Variants in RPS6KC1 observed in about 807,000 individuals in gnomAD.
RPS6KC1 encodes ribosomal protein S6 kinase C1.
Under a neutral mutation model 103.8 loss-of-function variants are expected in RPS6KC1, and 54 were observed. That is an observed-to-expected ratio of 0.52 (90% confidence interval 0.42 to 0.65). The LOEUF (loss-of-function observed/expected upper bound fraction) is 0.65, where lower values mean the gene tolerates loss of function less well. Among genes scored for constraint, RPS6KC1 ranks in the 30% least tolerant of loss-of-function variants. RPS6KC1 has a pLI of 0.00. For missense variants in RPS6KC1, 1,151 were observed against 1,253.8 expected, an observed-to-expected ratio of 0.92 and a Z score of 1.24; for synonymous variants, 439 against 438.7, an observed-to-expected ratio of 1.00 and a Z score of -0.01.
chr1:213,781,850 C>T, the RPS6KC1 span, among the ~76,000 whole-genome samples: 6 of 152,064 alleles, frequency 3.9e-5, no homozygotes, highest in East Asian at 3.9e-4. Context: ...AGGGGTGGTT[C>T]GTTGTGGCTC....
chr1:213,462,540 G>T, the RPS6KC1 span, among the ~76,000 whole-genome samples: 1 of 152,172 alleles, frequency 6.6e-6, no homozygotes, highest in Non-Finnish European at 1.5e-5. Context: ...TAAAGAAAAT[G>T]TGGCACATAT....
chr1:213,683,048 A>C, the RPS6KC1 span, among the ~76,000 whole-genome samples: 1 of 152,240 alleles, frequency 6.6e-6, no homozygotes, highest in African/African-American at 2.4e-5. Context: ...CCATTATTGA[A>C]CAATTAGATC....
the RPS6KC1 span, among the ~76,000 whole-genome samples, chr1:213,637,880 G>C: frequency 3.3e-5 from 5 of 152,002 alleles, no homozygotes; most frequent in Non-Finnish European, 7.4e-5. Context: ...GGAGTGCAGT[G>C]TCATTGGCTC....
the RPS6KC1 span, among the ~76,000 whole-genome samples, chr1:213,636,570 AG>A: frequency 6.6e-6 from 1 of 152,208 alleles, no homozygotes; most frequent in African/African-American, 2.4e-5. Context: ...ATATGTAGAA[AG>A]CTGAAACTGG....
intron 9 of RPS6KC1, among the ~76,000 whole-genome samples, chr1:213,231,649 A>G (rs1037498849): frequency 2.0e-5 from 3 of 152,196 alleles, no homozygotes; most frequent in Non-Finnish European, 2.9e-5. Context: ...AAAATAGACA[A>G]ACCTTATTCC....
the RPS6KC1 span, among the ~76,000 whole-genome samples, chr1:213,641,100 A>AT: frequency 6.6e-6 from 1 of 151,008 alleles, no homozygotes; most frequent in African/African-American, 2.4e-5. Flanking sequence ...TACTTTTCAG[A>AT]TTTTTTTTTA....
chr1:213,739,450 C>T, the RPS6KC1 span, among the ~76,000 whole-genome samples: 8 of 152,008 alleles, frequency 5.3e-5, no homozygotes, highest in East Asian at 1.9e-4. Context: ...CTAACCCCTA[C>T]GTTGTTCAAG....
At chr1:213,140,008 C>T (rs1378163096) in intron 6 of RPS6KC1, among the ~76,000 whole-genome samples, 1 of 151,960 alleles carries the variant, frequency 6.6e-6, no homozygotes. Context: ...TGTGTCATAT[C>T]TGATTCCTTT....
the RPS6KC1 span, among the ~76,000 whole-genome samples, chr1:213,757,428 A>G: frequency 6.6e-6 from 1 of 152,256 alleles, no homozygotes; most frequent in Non-Finnish European, 1.5e-5. Flanking sequence ...CAGACAAGCC[A>G]CAACATTCCC....
Position 213,051,335 on chromosome 1 carries a change from G to C in RPS6KC1, c.-70G>C. The C allele has an allele frequency of 2.4e-6, 3 of 1,250,010 alleles. No individual in the cohort carries two copies. Among genetic ancestry groups the C allele is most frequent in the Non-Finnish European group, 3.5e-6 (3 of 861,926 alleles). 77.4% of individuals were successfully genotyped at this position (1,250,010 alleles called of 1,614,324 possible). A position where few individuals can be genotyped will look rare whatever the true frequency, so the allele number is the denominator to read the frequency against. ...GCTTCGCCGCTGCGTTGGGGAACCT[G>C]GACCGCGGCGGCGCCGGGTTTCCCT... On this transcript the variant is annotated 5_prime_UTR_variant, in exon 1 of 15. Coordinates refer to ENST00000366960, the MANE Select transcript of RPS6KC1 (RefSeq NM_012424.6).
chr1:213,509,091 A>C, the RPS6KC1 span, among the ~76,000 whole-genome samples: 10 of 152,214 alleles, frequency 6.6e-5, no homozygotes, highest in Non-Finnish European at 1.3e-4. Context: ...GTGACCATGT[A>C]ATTTATCACA....
chr1:213,092,941 TAAA>T (rs201799871), intron 3 of RPS6KC1, among the ~76,000 whole-genome samples: 1 of 152,150 alleles, frequency 6.6e-6, no homozygotes, highest in African/African-American at 2.4e-5. Context: ...GCTGGCTTCT[TAAA>T]AAAGAAACTT....
intron 6 of RPS6KC1, 53 bp from the exon 7 acceptor site, chr1:213,167,805 C>G (rs2091121852): frequency 9.1e-7 from 1 of 1,098,324 alleles, no homozygotes; most frequent in Non-Finnish European, 1.3e-6. Context: ...AGTTAATTTT[C>G]AGGTTGAACT....
chr1:213,187,364 C>T (rs2092576350), intron 8 of RPS6KC1, among the ~76,000 whole-genome samples: 1 of 151,124 alleles, frequency 6.6e-6, no homozygotes. Context: ...CGTGCCTCAG[C>T]CTCCCAAGTA....
chr1:213,074,464 T>C (rs142476426), intron 2 of RPS6KC1, among the ~76,000 whole-genome samples: 431 of 152,332 alleles, frequency 2.8e-3, no homozygotes, highest in Non-Finnish European at 4.4e-3. Flanking sequence ...GAGGACTTTG[T>C]GTAGTCCAGA....
the RPS6KC1 span, among the ~76,000 whole-genome samples, chr1:213,289,287 A>G: frequency 6.7e-6 from 1 of 149,938 alleles, no homozygotes; most frequent in Admixed American, 6.6e-5. Context: ...AGACTTAAAG[A>G]TCCCATCCCT....
At chr1:213,635,681 T>G in the RPS6KC1 span, among the ~76,000 whole-genome samples, 2 of 152,252 alleles carry the variant, frequency 1.3e-5, no homozygotes, top group South Asian at 4.1e-4. Context: ...GGGCAAAAAC[T>G]GGAAGCATTC....
chr1:213,695,641 G>A, the RPS6KC1 span, among the ~76,000 whole-genome samples: 2 of 152,208 alleles, frequency 1.3e-5, no homozygotes, highest in South Asian at 2.1e-4. Flanking sequence ...TCTATTCCAG[G>A]ACTTATAGGA....
At chr1:213,147,488 C>T (rs754269776) in intron 6 of RPS6KC1, among the ~76,000 whole-genome samples, 5 of 152,190 alleles carry the variant, frequency 3.3e-5, no homozygotes, top group Middle Eastern at 3.4e-3. Flanking sequence ...GCACCTTTGT[C>T]GAAAATGAGT....
Sources: allele counts gnomAD v4.1 joint callset (sites outside exome capture counted in the v4.1 genomes callset), GRCh38; gene constraint gnomAD v4.1.1; transcripts MANE v1.5; gene names NCBI Gene and HGNC (gene_info 2026-07-23, HGNC 2026-07-21).